ZNF420: variants seen among roughly 807,000 people sequenced by gnomAD.
ZNF420 encodes zinc finger protein 420.
ZNF420 carries 31 observed loss-of-function variants against 44.7 expected under a neutral mutation model. The observed-to-expected ratio is 0.69, with a 90% CI of 0.52 to 0.94. The LOEUF is 0.94. Ranked by LOEUF, ZNF420 falls within the 40% of genes least tolerant of loss-of-function variation. The probability of loss-of-function intolerance (pLI) is 0.00; values close to 1 mark genes in which losing one functional copy is unlikely to be tolerated. For synonymous variants in ZNF420, 245 were observed against 267.4 expected, an observed-to-expected ratio of 0.92 and a Z score of 0.82; for missense variants, 681 against 827.9, an observed-to-expected ratio of 0.82 and a Z score of 2.18.
chr19:37,043,388 C>T (rs1191577456), intron 1 of ZNF420, among the ~76,000 whole-genome samples: 3 of 152,230 alleles, frequency 2.0e-5, no homozygotes, highest in Admixed American at 2.0e-4. Flanking sequence ...TCACTGGAGT[C>T]CTTCAACAAC....
At chr19:37,025,126 A>C in intron 1 of ZNF420, 1 of 353,536 alleles carries the variant, frequency 2.8e-6, no homozygotes, top group Non-Finnish European at 5.0e-6. Flanking sequence ...GTCACATTCC[A>C]AACATTTATA....
intron 2 of ZNF420, among the ~76,000 whole-genome samples, chr19:37,084,603 T>G (rs1040496144): frequency 6.6e-6 from 1 of 152,160 alleles, no homozygotes; most frequent in African/African-American, 2.4e-5. Context: ...GAAAGAACAG[T>G]ATTATATCTG....
At chr19:37,010,814 T>C (rs2074563881) in intron 1 of ZNF420, among the ~76,000 whole-genome samples, 1 of 152,146 alleles carries the variant, frequency 6.6e-6, no homozygotes, top group African/African-American at 2.4e-5. Context: ...GCCTCTTTTC[T>C]AGGATCAAGA....
At chr19:37,038,155 C>T (rs1489902603) in intron 1 of ZNF420, among the ~76,000 whole-genome samples, 2 of 152,088 alleles carry the variant, frequency 1.3e-5, no homozygotes, top group Non-Finnish European at 2.9e-5. Context: ...TGTGTTTACA[C>T]TATTGTAGTC....
At chr19:37,014,851 A>G (rs2074598253) in intron 1 of ZNF420, among the ~76,000 whole-genome samples, 1 of 152,172 alleles carries the variant, frequency 6.6e-6, no homozygotes, top group Non-Finnish European at 1.5e-5. Flanking sequence ...GTGATCCCAC[A>G]ATCCTTGGAG....
intron 4 of ZNF420, among the ~76,000 whole-genome samples, chr19:37,105,744 C>T (rs1468355011): frequency 6.6e-6 from 1 of 152,134 alleles, no homozygotes; most frequent in East Asian, 1.9e-4. Flanking sequence ...TTGAAGAGGT[C>T]CTTCACATCC....
intron 1 of ZNF420, among the ~76,000 whole-genome samples, chr19:37,059,465 G>C (rs1967828340): frequency 6.6e-6 from 1 of 152,250 alleles, no homozygotes; most frequent in Non-Finnish European, 1.5e-5. Context: ...GTGCTTGGCT[G>C]TCGGGGCTCC....
intron 1 of ZNF420, among the ~76,000 whole-genome samples, chr19:37,010,466 G>T (rs1753254310): frequency 6.6e-6 from 1 of 152,056 alleles, no homozygotes; most frequent in South Asian, 2.1e-4. Context: ...CTCAGGGGTT[G>T]CCTGGGGCTA....
rs574136259 is a variant in ZNF420, at chr19:37,023,708, C to T, written c.-125+15626C>T. On this transcript the variant is annotated intron_variant, in intron 1 of 4. Coordinates refer to the ZNF420 transcript ENST00000587029. ...TGTTGTTATAAAAATACATTATAAA[C>T]TATCTGAATCTGAGTAACATTTGGG... 7.9e-5 allele frequency among the ~76,000 whole-genome samples: 12 copies of T among 152,230 alleles called. No individual in the cohort carries two copies. In the South Asian group the frequency reaches 1.9e-3, roughly 24 times the overall value.
intron 4 of ZNF420, among the ~76,000 whole-genome samples, chr19:37,099,408 G>T (rs974092274): frequency 6.6e-6 from 1 of 151,840 alleles, no homozygotes; most frequent in Non-Finnish European, 1.5e-5. Flanking sequence ...TTGTAGCTTC[G>T]ATTTGCATTT....
At chr19:37,008,708 G>C (rs902245620) in intron 1 of ZNF420, among the ~76,000 whole-genome samples, 1 of 152,204 alleles carries the variant, frequency 6.6e-6, no homozygotes, top group East Asian at 1.9e-4. Flanking sequence ...CAAGTCACCC[G>C]TTTGGCACTC....
At chr19:37,017,310 C>G (rs938758089) in intron 1 of ZNF420, among the ~76,000 whole-genome samples, 1 of 152,102 alleles carries the variant, frequency 6.6e-6, no homozygotes, top group Non-Finnish European at 1.5e-5. Flanking sequence ...TGATTAGTGT[C>G]AGAATTGAAG....
At chr19:37,071,572 A>G (rs1382994587) in intron 1 of ZNF420, among the ~76,000 whole-genome samples, 1 of 152,176 alleles carries the variant, frequency 6.6e-6, no homozygotes, top group Non-Finnish European at 1.5e-5. Context: ...AGGCCGAGGC[A>G]GGTGGATCAC....
intron 1 of ZNF420, among the ~76,000 whole-genome samples, chr19:37,033,698 T>C (rs1171317503): frequency 6.6e-6 from 1 of 152,234 alleles, no homozygotes; most frequent in East Asian, 1.9e-4. Context: ...TCAATTCTTA[T>C]GGGTTTAAAC....
intron 1 of ZNF420, among the ~76,000 whole-genome samples, chr19:37,051,374 A>C (rs1967636067): frequency 1.3e-5 from 2 of 152,164 alleles, no homozygotes; most frequent in Admixed American, 1.3e-4. Flanking sequence ...TTGTTAAGCT[A>C]TTAATTATTG....
intron 1 of ZNF420, among the ~76,000 whole-genome samples, chr19:37,066,191 C>T (rs1967963887): frequency 6.6e-6 from 1 of 152,150 alleles, no homozygotes; most frequent in Admixed American, 6.5e-5. Flanking sequence ...GCCTGTAATC[C>T]CAGCACTTTG....
chr19:37,019,609 T>A (rs1458753646), intron 1 of ZNF420, among the ~76,000 whole-genome samples: 1 of 151,770 alleles, frequency 6.6e-6, no homozygotes, highest in African/African-American at 2.4e-5. Context: ...ACCCCATCTC[T>A]ACTAACAATA....
chr19:37,078,914 T>C (rs963833213), intron 1 of ZNF420, among the ~76,000 whole-genome samples: 1 of 152,198 alleles, frequency 6.6e-6, no homozygotes, highest in African/African-American at 2.4e-5. Flanking sequence ...TGTGTCACTT[T>C]GAGGTTGTGT....
intron 4 of ZNF420, among the ~76,000 whole-genome samples, chr19:37,098,382 T>C (rs940621068): frequency 4.6e-5 from 7 of 152,206 alleles, no homozygotes; most frequent in Non-Finnish European, 7.3e-5. Flanking sequence ...TAGGTATCTA[T>C]TGCCTTTTAG....
Sources: gnomAD v4.1 joint callset for allele counts (sites outside exome capture counted in the v4.1 genomes callset) on GRCh38, gnomAD v4.1.1 for gene constraint, MANE v1.5 for transcripts, NCBI Gene and HGNC (gene_info 2026-07-23, HGNC 2026-07-21) for gene names.